Variants in COTL1 observed in about 807,000 individuals in gnomAD.
COTL1 encodes coactosin like F-actin binding protein 1.
In COTL1, 15 loss-of-function variants were observed where a neutral mutation model predicts 16.5. The observed-to-expected ratio is 0.91, with a 90% confidence interval of 0.61 to 1.40. The LOEUF (loss-of-function observed/expected upper bound fraction) is 1.40. Ranked by LOEUF, COTL1 falls within the 40% of genes most tolerant of loss-of-function variation. COTL1 has a pLI of 0.00. For missense variants in COTL1, 220 were observed against 201.5 expected (o/e 1.09, Z -0.56); for synonymous variants, 112 against 85.3 (o/e 1.31, Z -1.73).
intron 2 of COTL1, among the ~76,000 whole-genome samples, chr16:84,600,612 C>G (rs1905089121): frequency 6.6e-6 from 1 of 152,324 alleles, no homozygotes; most frequent in East Asian, 1.9e-4. Flanking sequence ...TGCGCCCGGC[C>G]AAGGCTCTGT....
At chr16:84,607,233 C>T (rs974093899) in intron 2 of COTL1, among the ~76,000 whole-genome samples, 4 of 152,158 alleles carry the variant, frequency 2.6e-5, no homozygotes, top group African/African-American at 9.7e-5. Context: ...ACATTCACAC[C>T]GGGCCTTGAC....
chr16:84,570,722 A>T (rs776859744), intron 3 of COTL1, among the ~76,000 whole-genome samples: 1 of 152,138 alleles, frequency 6.6e-6, no homozygotes, highest in Non-Finnish European at 1.5e-5. Flanking sequence ...AATAGAATGG[A>T]AGGTTATTTT....
intron 3 of COTL1, among the ~76,000 whole-genome samples, chr16:84,586,801 G>A (rs1179368232): frequency 1.3e-5 from 2 of 151,990 alleles, no homozygotes; most frequent in Non-Finnish European, 1.5e-5. Flanking sequence ...ATGTTCGCCA[G>A]GCTGGTCTCG....
intron 3 of COTL1, among the ~76,000 whole-genome samples, chr16:84,586,166 A>G (rs1462657738): frequency 1.3e-5 from 2 of 152,152 alleles, no homozygotes; most frequent in African/African-American, 2.4e-5. Flanking sequence ...CCTGACGCCA[A>G]CCCCAGAGAA....
chr16:84,572,512 G>A (rs761151795), intron 3 of COTL1, among the ~76,000 whole-genome samples: 53 of 151,824 alleles, frequency 3.5e-4, no homozygotes, highest in African/African-American at 1.1e-3. Context: ...CCAAGCTGGC[G>A]TGCAGTGGTG....
At chr16:84,571,850 T>A (rs1012956138) in intron 3 of COTL1, among the ~76,000 whole-genome samples, 7 of 152,146 alleles carry the variant, frequency 4.6e-5, no homozygotes, top group Admixed American at 4.6e-4. Context: ...CCACCTTCTA[T>A]AGGGCCAGCA....
In COTL1 at chr16:84,599,564, C is replaced by T. The variant is rs558535689; in HGVS notation, c.161-9302G>A. Among the ~76,000 whole-genome samples, 32 of 152,248 alleles carry T rather than the reference C, an allele frequency of 2.1e-4. 1 individual carries two copies. Among genetic ancestry groups the T allele is most frequent in the African/African-American group, 6.3e-4 (26 of 41,534 alleles). On this transcript the variant is annotated intron_variant, in intron 2 of 3. Coordinates refer to ENST00000262428, the MANE Select transcript of COTL1 (RefSeq NM_021149.5). ...CCAGGCATGTCATAGGCACCTTATACGTTATCTGTGGGCCAATGGAAAGAA... is the reference window on the plus strand; with the variant it reads ...CCAGGCATGTCATAGGCACCTTATATGTTATCTGTGGGCCAATGGAAAGAA...
intron 3 of COTL1, among the ~76,000 whole-genome samples, chr16:84,574,665 C>T (rs1904411881): frequency 6.6e-6 from 1 of 152,078 alleles, no homozygotes; most frequent in Non-Finnish European, 1.5e-5. Flanking sequence ...CTCACTGCAA[C>T]CTCTGCCTCC....
At chr16:84,587,594 T>C (rs2150686656) in intron 3 of COTL1, among the ~76,000 whole-genome samples, 1 of 152,118 alleles carries the variant, frequency 6.6e-6, no homozygotes, top group East Asian at 1.9e-4. Flanking sequence ...TGCATCCATA[T>C]CATTTATGAA....
At chr16:84,609,048 T>C (rs1905267809) in intron 2 of COTL1, among the ~76,000 whole-genome samples, 1 of 152,198 alleles carries the variant, frequency 6.6e-6, no homozygotes, top group East Asian at 1.9e-4. Flanking sequence ...GAGCTTCTTT[T>C]TGATGTCACA....
chr16:84,566,791 C>T lies in COTL1; in HGVS notation c.*54G>A, dbSNP rs1311522091. On this transcript the variant is annotated 3_prime_UTR_variant, in exon 4 of 4. Transcript: ENST00000262428. ...AGTAGCTGAGGCCGGCGGTCCTCTC[C>T]CCCGGGGAGCAGGCAGATGACTTTG... 7.7e-7 allele frequency: 1 copy of T among 1,298,492 alleles called. No homozygotes were observed. The highest frequency in any genetic ancestry group is 1.2e-5 in the South Asian group (1 of 83,118). 80.4% of individuals were successfully genotyped at this position (1,298,492 alleles called of 1,614,324 possible). A position where few individuals can be genotyped will look rare whatever the true frequency, so the allele number is the denominator to read the frequency against.
At chr16:84,573,153 T>C (rs1482446304) in intron 3 of COTL1, among the ~76,000 whole-genome samples, 1 of 152,236 alleles carries the variant, frequency 6.6e-6, no homozygotes, top group Non-Finnish European at 1.5e-5. Flanking sequence ...ATATGCAAAA[T>C]ATTGTCATTT....
At chr16:84,589,981 A>C in intron 3 of COTL1, 124 bp downstream of exon 3, 1 of 918,198 alleles carries the variant, frequency 1.1e-6, no homozygotes, top group Non-Finnish European at 1.6e-6. Context: ...GCAGAGACAT[A>C]GCATGGCTTG....
rs1009683711 is a variant in COTL1 at position 84,566,555 on chromosome 16, T to C, written c.*290A>G. ...ACTGCAGGAGGCACCTCGGATCTGA[T>C]GGCAGGCAGGACCTTGCATCAAAAT... On this transcript the variant is annotated 3_prime_UTR_variant, in exon 4 of 4. Transcript: ENST00000262428. 45 of 337,900 alleles carry C rather than the reference T, an allele frequency of 1.3e-4. No homozygotes were observed. In the East Asian group the frequency reaches 2.7e-3, roughly 20 times the overall value. The allele number at this position is 337,900 out of a possible 1,614,324, so 20.9% of individuals were successfully genotyped here. A position where few individuals can be genotyped will look rare whatever the true frequency, so the allele number is the denominator to read the frequency against.
At chr16:84,610,071 T>C (rs554066352) in intron 2 of COTL1, among the ~76,000 whole-genome samples, 2 of 152,172 alleles carry the variant, frequency 1.3e-5, no homozygotes, top group Non-Finnish European at 2.9e-5. Flanking sequence ...CTCAAACATC[T>C]GAAGACAACA....
At chr16:84,568,734 G>T (rs1425752250) in intron 3 of COTL1, 2 of 152,188 alleles carry the variant, frequency 1.3e-5, no homozygotes, top group East Asian at 1.9e-4. Flanking sequence ...TACTGAAAAA[G>T]TACACTTAGG....
chr16:84,573,671 CG>C (rs1904383058), intron 3 of COTL1, among the ~76,000 whole-genome samples: 1 of 150,830 alleles, frequency 6.6e-6, no homozygotes, highest in African/African-American at 2.4e-5. Context: ...ACCGGGGAGG[CG>C]GAAGTTGCAG....
chr16:84,586,153 C>G (rs935654671), intron 3 of COTL1, among the ~76,000 whole-genome samples: 1 of 152,132 alleles, frequency 6.6e-6, no homozygotes, highest in Non-Finnish European at 1.5e-5. Flanking sequence ...TGTGCAGAGG[C>G]TGCCTGACGC....
chr16:84,579,050 C>T (rs530402631), intron 3 of COTL1, among the ~76,000 whole-genome samples: 3 of 151,890 alleles, frequency 2.0e-5, no homozygotes, highest in South Asian at 4.2e-4. Context: ...CACACACATA[C>T]ACATATATAC....
Sources: gnomAD v4.1 joint callset for allele counts (sites outside exome capture counted in the v4.1 genomes callset) on GRCh38, gnomAD v4.1.1 for gene constraint, MANE v1.5 for transcripts, NCBI Gene and HGNC (gene_info 2026-07-23, HGNC 2026-07-21) for gene names.